Variants in MAD2L2 observed in about 807,000 individuals in gnomAD.
MAD2L2 encodes the protein mitotic spindle assembly checkpoint protein MAD2B.
In MAD2L2, 17 loss-of-function variants were observed where a neutral mutation model predicts 30.5. The observed-to-expected ratio is 0.56, with a 90% confidence interval of 0.38 to 0.84. The LOEUF (loss-of-function observed/expected upper bound fraction) is 0.84, where lower values mean the gene tolerates loss of function less well. Among genes scored for constraint, MAD2L2 ranks in the 40% least tolerant of loss-of-function variants. The pLI, the probability that MAD2L2 is intolerant of heterozygous loss-of-function variation, is 0.00. For missense variants in MAD2L2, 213 were observed against 277.4 expected, an observed-to-expected ratio of 0.77 and a Z score of 1.65; for synonymous variants, 101 against 113.9, an observed-to-expected ratio of 0.89 and a Z score of 0.72.
At chr1:11,682,935 G>A (rs1640901084), upstream of MAD2L2, among the ~76,000 whole-genome samples, 1 of 152,192 alleles carries the variant, frequency 6.6e-6, no homozygotes, top group Non-Finnish European at 1.5e-5. Flanking sequence ...AGCTGGCCAA[G>A]CAACTCACTG....
At position 11,675,961 on chromosome 1, in the gene MAD2L2, C is replaced by A. The variant is rs1199333559; in HGVS notation, c.427+85G>T. The A allele has an allele frequency of 4.2e-6, 5 of 1,180,778 alleles. No individual in the cohort carries two copies. In the South Asian group the frequency reaches 6.1e-5, roughly 14 times the overall value. 73.1% of individuals were successfully genotyped at this position (1,180,778 alleles called of 1,614,324 possible). Reference sequence around the variant, plus strand: ...GGTTAGGAAGAGATGAGTCTCAGAACAGCCAAACATGGACCTGGGAACACA... The same window carrying A: ...GGTTAGGAAGAGATGAGTCTCAGAAAAGCCAAACATGGACCTGGGAACACA... On this transcript the variant is annotated intron_variant, in intron 6 of 8. Transcript: ENST00000376692.
chr1:11,677,755 T>C, intron 3 of MAD2L2, 141 bp from the exon 4 acceptor site: 1 of 660,838 alleles, frequency 1.5e-6, no homozygotes. Context: ...GAGACCCCAC[T>C]TTCCCTCAAG....
intron 4 of MAD2L2, 46 bp downstream of exon 4, chr1:11,677,497 G>A: frequency 1.3e-6 from 2 of 1,565,416 alleles, no homozygotes; most frequent in South Asian, 1.1e-5. Flanking sequence ...ACAGGGACGG[G>A]GGTGAGCATG....
At chr1:11,680,825 C>T (rs1452392709) in intron 1 of MAD2L2, 1 of 1,266,980 alleles carries the variant, frequency 7.9e-7, no homozygotes, top group African/African-American at 1.5e-5. Context: ...CGCCCGCGCC[C>T]CCTCGCCCCG....
Position 11,680,421 on chromosome 1 carries a change from GGAT to G in MAD2L2, c.88_90del (p.Ile30del). ...ACGGGGTAGACCTCGCGCACGTAGA[GGAT>G]GAGATGCACAGCCACCTCCAGGAAC... On this transcript the variant is annotated inframe_deletion, in exon 3 of 9. Transcript: ENST00000376692. 6.2e-7 allele frequency: 1 copy of G among 1,614,018 alleles called. No homozygotes were observed. The highest frequency in any genetic ancestry group is 8.5e-7 in the Non-Finnish European group (1 of 1,179,948).
chr1:11,675,446 A>G (rs1427823615), intron 7 of MAD2L2, among the ~76,000 whole-genome samples: 1 of 152,194 alleles, frequency 6.6e-6, no homozygotes, highest in East Asian at 1.9e-4. Flanking sequence ...AGCCAGGATG[A>G]GCTGGGGGCC....
upstream of MAD2L2, among the ~76,000 whole-genome samples, chr1:11,683,661 A>T (rs1640911297): frequency 6.6e-6 from 1 of 151,956 alleles, no homozygotes; most frequent in South Asian, 2.1e-4. Flanking sequence ...GTAACCAAAA[A>T]TTATTGCAAT....
chr1:11,688,833 G>T lies in MAD2L2; in HGVS notation c.-692+2580C>A, dbSNP rs886340444. On this transcript the variant is annotated intron_variant, in intron 1 of 10. Transcript: ENST00000235310. The surrounding 1 kb of genome is among the most constrained non-coding windows in gnomAD (Gnocchi z 4.6). ...ATCAGCACAAGATACAGGTCATAAAGACCTTGCTGATAAAACAGTTTGCAG... is the reference window on the plus strand; with the variant it reads ...ATCAGCACAAGATACAGGTCATAAATACCTTGCTGATAAAACAGTTTGCAG... Among the ~76,000 whole-genome samples the T allele has an allele frequency of 2.6e-5, 4 of 152,146 alleles. No individual in the cohort carries two copies. The highest frequency in any genetic ancestry group is 6.5e-5 in the Admixed American group (1 of 15,270).
rs565625878 is a variant in MAD2L2 at position 11,674,636 on chromosome 1, C to A, written c.*139G>T. On this transcript the variant is annotated 3_prime_UTR_variant, in exon 9 of 9. Coordinates refer to ENST00000376692, the MANE Select transcript of MAD2L2 (RefSeq NM_006341.4). The surrounding 1 kb of genome is among the most constrained non-coding windows in gnomAD (Gnocchi z 6.1). ...GAGGCATCCTCCAAGCAGACCTGAG[C>A]GGCCCCGGGCTGGGGCGGGCGATCC... is the stretch of plus-strand genomic sequence containing the variant. 1 of 860,436 alleles carries A rather than the reference C, an allele frequency of 1.2e-6. No homozygotes were observed. The highest frequency in any genetic ancestry group is 1.9e-6 in the Non-Finnish European group (1 of 536,700). The allele number at this position is 860,436 out of a possible 1,614,324, so 53.3% of individuals were successfully genotyped here. A position where few individuals can be genotyped will look rare whatever the true frequency, so the allele number is the denominator to read the frequency against.
chr1:11,676,065 G>T lies in MAD2L2; in HGVS notation c.408C>A (p.Val136=). Residue 136 remains valine, a synonymous_variant, in exon 6 of 9, where the codon GTC becomes GTA. Transcript: ENST00000376692. ...ACACACCTGGGGGGTTGTGGTCCAG[G>T]ACGGCATCGCACACGCTGATCTTCA... The part of the protein sequence containing the change: ...FILKISVCDA[V]LDHNPPGCTF... 1 of 1,613,528 alleles carries T rather than the reference G, an allele frequency of 6.2e-7. No homozygotes were observed. Among genetic ancestry groups the T allele is most frequent in the Non-Finnish European group, 8.5e-7 (1 of 1,179,864 alleles).
rs1641034483 is a variant in MAD2L2 at position 11,690,133 on chromosome 1, C to T, written c.-692+1280G>A. Among the ~76,000 whole-genome samples, 1 of 152,146 alleles carries T rather than the reference C, an allele frequency of 6.6e-6. No individual in the cohort carries two copies. The highest frequency in any genetic ancestry group is 6.6e-5 in the Admixed American group (1 of 15,264). On this transcript the variant is annotated intron_variant, in intron 1 of 10. Transcript: ENST00000235310. This position sits in a 1 kb window ranked among gnomAD's most constrained non-coding sequence, Gnocchi z 4.2. ...TACTTTTCTTCATAGCACTAATCAC[C>T]ACCTGACATCATTTATATTTATTTG...
Position 11,688,962 on chromosome 1 carries a change from G to A in MAD2L2, c.-692+2451C>T, listed in dbSNP as rs200136559. On this transcript the variant is annotated intron_variant, in intron 1 of 10. Transcript: ENST00000235310. This position sits in a 1 kb window ranked among gnomAD's most constrained non-coding sequence, Gnocchi z 4.6. ...ACCAGTGCCATGGCAGTTTACAAAT[G>A]CCATGGCAACATCAGGACGTTACCC... is the stretch of plus-strand genomic sequence containing the variant. Among the ~76,000 whole-genome samples, 1 of 152,178 alleles carries A rather than the reference G, an allele frequency of 6.6e-6. No individual in the cohort carries two copies. The highest frequency in any genetic ancestry group is 1.9e-4 in the East Asian group (1 of 5,194).
chr1:11,690,742 C>A lies in MAD2L2; in HGVS notation c.-692+671G>T, dbSNP rs1249128164. Among the ~76,000 whole-genome samples, 2 of 152,148 alleles carry A rather than the reference C, an allele frequency of 1.3e-5. No individual in the cohort carries two copies. The highest frequency in any genetic ancestry group is 6.5e-5 in the Admixed American group (1 of 15,284). On this transcript the variant is annotated intron_variant, in intron 1 of 10. Coordinates refer to the MAD2L2 transcript ENST00000235310. The surrounding 1 kb of genome is among the most constrained non-coding windows in gnomAD (Gnocchi z 4.2). Reference sequence around the variant, plus strand: ...GCAGCGTCCGTGGCCCCACCGACCCCGTCGTGAGTTATGGGAGGCACGGGA... The same window carrying A: ...GCAGCGTCCGTGGCCCCACCGACCCAGTCGTGAGTTATGGGAGGCACGGGA...
At position 11,674,545 on chromosome 1, in the gene MAD2L2, T is replaced by C; in HGVS notation, c.*230A>G. 1.8e-6 allele frequency: 1 copy of C among 547,078 alleles called. No individual in the cohort carries two copies. Among genetic ancestry groups the C allele is most frequent in the South Asian group, 2.0e-5 (1 of 49,228 alleles). The allele number at this position is 547,078 out of a possible 1,614,324, so 33.9% of individuals were successfully genotyped here. A position where few individuals can be genotyped will look rare whatever the true frequency, so the allele number is the denominator to read the frequency against. On this transcript the variant is annotated 3_prime_UTR_variant, in exon 9 of 9. Transcript: ENST00000376692. The surrounding 1 kb of genome is among the most constrained non-coding windows in gnomAD (Gnocchi z 6.1). ...AGCACAGTATTTGAGACAGACAGTGTTGGCCGGCGGAACCCCAGGAGGCTG... is the reference window on the plus strand; with the variant it reads ...AGCACAGTATTTGAGACAGACAGTGCTGGCCGGCGGAACCCCAGGAGGCTG...
intron 1 of MAD2L2, among the ~76,000 whole-genome samples, chr1:11,689,521 G>A (rs945874803): frequency 6.6e-6 from 1 of 152,106 alleles, no homozygotes; most frequent in Middle Eastern, 3.2e-3. Flanking sequence ...GCTTGAACCC[G>A]GGAGGTGGAG....
At chr1:11,676,748 G>T in intron 5 of MAD2L2, 100 bp downstream of exon 5, 1 of 889,246 alleles carries the variant, frequency 1.1e-6, no homozygotes, top group Non-Finnish European at 1.9e-6. Flanking sequence ...TCTCCTCCCA[G>T]GCCTTTACCA....
chr1:11,676,196 C>T, intron 5 of MAD2L2, 56 bp from the exon 6 acceptor site: 1 of 1,217,504 alleles, frequency 8.2e-7, no homozygotes. Flanking sequence ...CCACCACAGG[C>T]ATCAAGCCTG....
rs2100708581 is a variant in MAD2L2, at chr1:11,677,394, C to T, written c.231+149G>A. The T allele has an allele frequency of 9.0e-6, 7 of 778,756 alleles. No homozygotes were observed. The South Asian group carries it at 1.0e-4, about 11-fold the overall frequency. The allele number at this position is 778,756 out of a possible 1,614,324, so 48.2% of individuals were successfully genotyped here. ...GCCTGCCCCTGGGTTGGGATGGTCT[C>T]CAGAGTGCAGGGAACAGGCTTCTGG... On this transcript the variant is annotated intron_variant, in intron 4 of 8. Transcript: ENST00000376692.
chr1:11,685,609 T>G (rs1266681613), upstream of MAD2L2, among the ~76,000 whole-genome samples: 1 of 152,118 alleles, frequency 6.6e-6, no homozygotes, highest in Non-Finnish European at 1.5e-5. Flanking sequence ...TCTAATTTCA[T>G]AGGATTGAGC....
Sources: gnomAD v4.1 joint callset for allele counts (sites outside exome capture counted in the v4.1 genomes callset) on GRCh38, gnomAD v4.1.1 for gene constraint, Gnocchi (gnomAD v3.1) non-coding constraint, MANE v1.5 for transcripts, NCBI Gene and HGNC (gene_info 2026-07-23, HGNC 2026-07-21) for gene names.